CROCC: variants seen among roughly 807,000 people sequenced by gnomAD.
CROCC encodes ciliary rootlet coiled-coil, rootletin.
A neutral mutation model predicts 245.2 loss-of-function variants in CROCC; 180 were observed. The observed-to-expected ratio is 0.73, with a 90% CI of 0.65 to 0.83. The LOEUF (loss-of-function observed/expected upper bound fraction) is 0.83. CROCC is among the 40% of genes least tolerant of loss of function. CROCC has a pLI of 0.00. For synonymous variants in CROCC, 1,205 were observed against 1,241.6 expected (o/e 0.97, Z 0.62); for missense variants, 2,688 against 2,779.4 (o/e 0.97, Z 0.74).
chr1:16,930,624 T>G (rs758505918), intron 7 of CROCC, 30 bp downstream of exon 7: 54 of 1,587,766 alleles, frequency 3.4e-5, no homozygotes, highest in Middle Eastern at 2.1e-4. Context: ...GAGGCCAGCC[T>G]GACCCAAGAG....
chr1:16,929,881 G>T lies in CROCC; in HGVS notation c.387G>T (p.Leu129=). 1.9e-6 allele frequency: 3 copies of T among 1,582,264 alleles called. No individual in the cohort carries two copies. Among genetic ancestry groups the T allele is most frequent in the Non-Finnish European group, 1.7e-6 (2 of 1,167,994 alleles). The change falls in exon 4 of 37, where the codon CTG becomes CTT. Residue 129 remains leucine, a synonymous_variant. Transcript: ENST00000375541. ...EQALRLEPGE[L]ETQEPRGLVR... ...CTCTGCGGCTGGAGCCTGGGGAGCT[G>T]GAGACGCAGGAGCCCAGGGGGCTGG...
rs573766085 is a variant in CROCC, at chr1:16,942,316, C to T, written c.1809-1784C>T. Among the ~76,000 whole-genome samples, 4 of 152,396 alleles carry T rather than the reference C, an allele frequency of 2.6e-5. No individual in the cohort carries two copies. In the South Asian group the frequency reaches 8.3e-4, roughly 32 times the overall value. On this transcript the variant is annotated intron_variant, in intron 13 of 36. Transcript: ENST00000375541. Reference sequence around the variant, plus strand: ...CCAGGCACCCTGAAGATTTTTAAGACAAGAAATTATCCACTTCTTAGCTGC... The same window carrying T: ...CCAGGCACCCTGAAGATTTTTAAGATAAGAAATTATCCACTTCTTAGCTGC...
intron 17 of CROCC, among the ~76,000 whole-genome samples, chr1:16,947,250 G>T (rs1410262453): frequency 2.6e-5 from 4 of 152,274 alleles, no homozygotes; most frequent in African/African-American, 9.6e-5. Context: ...GCCGAGGCGG[G>T]TGGATCACCT....
chr1:16,952,452 T>C (rs1417511064), intron 20 of CROCC, among the ~76,000 whole-genome samples: 2 of 150,770 alleles, frequency 1.3e-5, no homozygotes, highest in African/African-American at 2.4e-5. Flanking sequence ...GCCACTGCAC[T>C]CCAGCCTGGG....
At chr1:16,921,683 T>C (rs1050682995), upstream of CROCC, among the ~76,000 whole-genome samples, 3 of 152,270 alleles carry the variant, frequency 2.0e-5, no homozygotes, top group Non-Finnish European at 4.4e-5. Context: ...GAAGAGTGTG[T>C]GAGGTCCTGA....
chr1:16,937,552 G>C, intron 9 of CROCC, 89 bp from the exon 10 acceptor site: 2 of 1,144,348 alleles, frequency 1.7e-6, no homozygotes, highest in South Asian at 2.7e-5. Context: ...CCCTGCCTCG[G>C]GTTTGGAGAA....
intron 18 of CROCC, 117 bp from the exon 19 acceptor site, chr1:16,948,682 G>T (rs1157036871): frequency 1.3e-6 from 2 of 1,539,696 alleles, no homozygotes; most frequent in Non-Finnish European, 1.7e-6. Flanking sequence ...GGGAGTGTGG[G>T]CCTGGCCAGG....
chr1:16,972,478 G>C lies in CROCC; in HGVS notation c.*32G>C. 1.6e-5 allele frequency: 24 copies of C among 1,520,282 alleles called. No homozygotes were observed. The highest frequency in any genetic ancestry group is 1.7e-4 in the Middle Eastern group (1 of 5,776). The allele number at this position is 1,520,282 out of a possible 1,614,324, so 94.2% of individuals were successfully genotyped here. On this transcript the variant is annotated 3_prime_UTR_variant, in exon 37 of 37. Coordinates refer to ENST00000375541, the MANE Select transcript of CROCC (RefSeq NM_014675.5). ...GCTGGCATCTGGAGAACACCCCTGT[G>C]CCTGGGACAGGGGAGGACCCTTCTT...
chr1:16,926,407 C>G (rs534307127), intron 3 of CROCC, among the ~76,000 whole-genome samples: 2 of 152,382 alleles, frequency 1.3e-5, no homozygotes, highest in South Asian at 4.1e-4. Flanking sequence ...GCAACATTCT[C>G]TTTCCCTGCC....
intron 3 of CROCC, among the ~76,000 whole-genome samples, chr1:16,927,100 G>A (rs538719450): frequency 3.6e-3 from 540 of 151,758 alleles, no homozygotes; most frequent in African/African-American, 0.012. Flanking sequence ...GCTACACTGG[G>A]CCCCACACAG....
rs371781662 is a variant in CROCC, at chr1:16,939,867, C to T, written c.1609-27C>T. ...GCTCTGGAGGCCTCTCAGGCCCCCC[C>T]AGACTCTGTGACCCCCCACACCCCA... On this transcript the variant is annotated intron_variant, in intron 12 of 36. Transcript: ENST00000375541. 7 of 1,610,256 alleles carry T rather than the reference C, an allele frequency of 4.3e-6. No individual in the cohort carries two copies. The South Asian group carries it at 4.4e-5, about 10-fold the overall frequency.
intron 3 of CROCC, among the ~76,000 whole-genome samples, chr1:16,929,529 T>C (rs2075614898): frequency 6.6e-6 from 1 of 152,298 alleles, no homozygotes; most frequent in South Asian, 2.1e-4. Flanking sequence ...CTAAGTGTTC[T>C]GGAGGAGAGG....
Position 16,963,375 on chromosome 1 carries a change from A to G in CROCC, c.4405+2245A>G, listed in dbSNP as rs149487703. 1.8e-4 allele frequency among the ~76,000 whole-genome samples: 27 copies of G among 151,918 alleles called. No homozygotes were observed. The East Asian group carries it at 5.3e-3, about 30-fold the overall frequency. ...GCCTGTCCTGTGGACAGCAGGGGCC[A>G]GCAGTCCCAGAGCATCAAGCAGGGG... On this transcript the variant is annotated intron_variant, in intron 27 of 36. Coordinates refer to ENST00000375541, the MANE Select transcript of CROCC (RefSeq NM_014675.5).
Position 16,930,235 on chromosome 1 carries a change from G to C in CROCC, c.621+28G>C, listed in dbSNP as rs1260544655. The C allele has an allele frequency of 3.2e-6, 5 of 1,586,598 alleles. No homozygotes were observed. The East Asian group carries it at 9.2e-5, about 29-fold the overall frequency. On this transcript the variant is annotated intron_variant, in intron 5 of 36. Transcript: ENST00000375541. The stretch of plus-strand genomic sequence containing the variant: ...GGGTGCCAGTGTGGGGCAGGGGCAG[G>C]CCCTGCCCTCCACCTGCCCAACCTG...
chr1:16,931,414 G>C lies in CROCC; in HGVS notation c.956+17G>C. ...CACTGAGAGGTGAGGCCTGGCCGGGGACGGGGCAGCAGCTGAGAGCCAGCC... is the reference window on the plus strand; with the variant it reads ...CACTGAGAGGTGAGGCCTGGCCGGGCACGGGGCAGCAGCTGAGAGCCAGCC... On this transcript the variant is annotated intron_variant, in intron 8 of 36. Transcript: ENST00000375541. 6.2e-7 allele frequency: 1 copy of C among 1,602,590 alleles called. No individual in the cohort carries two copies. The highest frequency in any genetic ancestry group is 8.5e-7 in the Non-Finnish European group (1 of 1,170,938).
rs748694460 is a variant in CROCC, at chr1:16,969,116, G to T, written c.5077G>T (p.Val1693Leu). 6.3e-7 allele frequency: 1 copy of T among 1,596,054 alleles called. No individual in the cohort carries two copies. Among genetic ancestry groups the T allele is most frequent in the African/African-American group, 1.3e-5 (1 of 74,952 alleles). Residue 1693 changes from valine (V) to leucine (L), a missense_variant and splice_region_variant, in exon 32 of 37, where the codon GTG (valine) becomes TTG (leucine). This residue lies in a region of CROCC where 1,218 missense variants were observed against 1,286.3 expected (regional missense o/e 0.95). Coordinates refer to ENST00000375541, the MANE Select transcript of CROCC (RefSeq NM_014675.5). ...ATTGTTCTGGCTGTCCTCCTGCCAG[G>T]TGGCCGACAGCGAGGTGAAGGCAGG... is the stretch of plus-strand genomic sequence containing the variant. Reference protein sequence around the residue: ...QDRVDSLQRQVADSEVKAGTL... With the variant: ...QDRVDSLQRQLADSEVKAGTL...
At chr1:16,923,145 A>G (rs2075447383) in intron 2 of CROCC, among the ~76,000 whole-genome samples, 1 of 152,272 alleles carries the variant, frequency 6.6e-6, no homozygotes, top group South Asian at 2.1e-4. Context: ...CTCAGCTCAG[A>G]CCAGGGTTTT....
chr1:16,952,496 AAAG>A (rs1332354585), intron 20 of CROCC, among the ~76,000 whole-genome samples: 3 of 151,762 alleles, frequency 2.0e-5, no homozygotes, highest in Non-Finnish European at 2.9e-5. Context: ...AAAAAAAAAA[AAAG>A]AAGTGGCAGC....
upstream of CROCC, among the ~76,000 whole-genome samples, chr1:16,920,953 A>G (rs1296985947): frequency 6.6e-6 from 1 of 152,274 alleles, no homozygotes; most frequent in Non-Finnish European, 1.5e-5. Flanking sequence ...CATATTGGTC[A>G]GGCTGATCTT....
Sources: gnomAD v4.1 joint callset for allele counts (sites outside exome capture counted in the v4.1 genomes callset) on GRCh38, gnomAD v4.1.1 for gene constraint, gnomAD v4.1.1 regional missense constraint, MANE v1.5 for transcripts, NCBI Gene and HGNC (gene_info 2026-07-23, HGNC 2026-07-21) for gene names.